Variants in IQCM observed in about 807,000 individuals in gnomAD.
IQCM encodes IQ motif containing M.
In IQCM, 45 loss-of-function variants were observed where a neutral mutation model predicts 57.6. That is an observed-to-expected ratio of 0.78 (90% CI 0.62 to 1.00). IQCM has a LOEUF of 1.00. Ranked by LOEUF, IQCM falls within the 50% of genes least tolerant of loss-of-function variation. IQCM has a pLI of 0.00. For missense variants in IQCM, 468 were observed against 511.6 expected, an observed-to-expected ratio of 0.91 and a Z score of 0.82; for synonymous variants, 148 against 158.9, an observed-to-expected ratio of 0.93 and a Z score of 0.51.
chr4:149,442,162 C>A (rs1736007440), intron 12 of IQCM, among the ~76,000 whole-genome samples: 2 of 152,116 alleles, frequency 1.3e-5, no homozygotes, highest in Non-Finnish European at 2.9e-5. Context: ...CACATTTATT[C>A]TTTTCAAAGA....
At chr4:149,623,410 A>G (rs1017828753) in intron 7 of IQCM, among the ~76,000 whole-genome samples, 1 of 152,200 alleles carries the variant, frequency 6.6e-6, no homozygotes, top group Non-Finnish European at 1.5e-5. Context: ...ATTTTCTCCC[A>G]GTATATAGGT....
At chr4:149,402,843 A>G (rs1732713878) in intron 13 of IQCM, among the ~76,000 whole-genome samples, 1 of 151,786 alleles carries the variant, frequency 6.6e-6, no homozygotes, top group South Asian at 2.1e-4. Context: ...TTTTATCTAA[A>G]CCTCACAACT....
intron 7 of IQCM, among the ~76,000 whole-genome samples, chr4:149,677,065 A>G (rs1174649813): frequency 1.3e-5 from 2 of 152,056 alleles, no homozygotes; most frequent in Non-Finnish European, 2.9e-5. Context: ...GGCACCAAGT[A>G]TGCAAAAAAT....
At chr4:149,716,582 A>G (rs1429691814) in intron 5 of IQCM, among the ~76,000 whole-genome samples, 2 of 152,144 alleles carry the variant, frequency 1.3e-5, no homozygotes, top group Non-Finnish European at 2.9e-5. Flanking sequence ...CTGCGGCTCC[A>G]TGGAGCACGT....
intron 12 of IQCM, among the ~76,000 whole-genome samples, chr4:149,441,409 A>G (rs1458095023): frequency 6.6e-6 from 1 of 152,140 alleles, no homozygotes; most frequent in East Asian, 1.9e-4. Context: ...ATAAAATAAA[A>G]AGAAAAAGGG....
chr4:149,772,940 G>C (rs2149991669), intron 2 of IQCM, among the ~76,000 whole-genome samples: 2 of 152,306 alleles, frequency 1.3e-5, no homozygotes, highest in South Asian at 4.1e-4. Flanking sequence ...TTGAAAGCCT[G>C]TTGTATAAAG....
At chr4:149,669,111 C>T (rs544289818) in intron 7 of IQCM, among the ~76,000 whole-genome samples, 1 of 152,258 alleles carries the variant, frequency 6.6e-6, no homozygotes, top group South Asian at 2.1e-4. Flanking sequence ...AAAAGTGTTC[C>T]TATTTCTCCA....
intron 7 of IQCM, among the ~76,000 whole-genome samples, chr4:149,673,476 G>C (rs1335833057): frequency 2.0e-5 from 3 of 152,092 alleles, no homozygotes; most frequent in South Asian, 4.1e-4. Context: ...TGCAATCCTA[G>C]TCTCTGATAA....
At chr4:149,514,004 T>C (rs1560936348) in intron 12 of IQCM, among the ~76,000 whole-genome samples, 2 of 152,196 alleles carry the variant, frequency 1.3e-5, no homozygotes, top group South Asian at 4.1e-4. Context: ...CATTTCATTT[T>C]CTATGTTATG....
At chr4:149,356,326 A>G (rs1728976970) in intron 13 of IQCM, among the ~76,000 whole-genome samples, 1 of 152,274 alleles carries the variant, frequency 6.6e-6, no homozygotes, top group African/African-American at 2.4e-5. Context: ...GCCCATGCCT[A>G]TGTCCTGAAT....
At chr4:149,599,986 A>G (rs960354460) in intron 8 of IQCM, among the ~76,000 whole-genome samples, 3 of 116,030 alleles carry the variant, frequency 2.6e-5, no homozygotes, top group Non-Finnish European at 5.7e-5. Flanking sequence ...AAACTATGCA[A>G]GTTATTTGCT....
intron 8 of IQCM, among the ~76,000 whole-genome samples, chr4:149,606,229 C>T (rs1265325494): frequency 6.6e-6 from 1 of 152,140 alleles, no homozygotes; most frequent in African/African-American, 2.4e-5. Flanking sequence ...CAGCTCCAGG[C>T]AGCCCAGTAC....
At chr4:149,626,373 G>A (rs757213064) in intron 7 of IQCM, among the ~76,000 whole-genome samples, 12 of 86,116 alleles carry the variant, frequency 1.4e-4, no homozygotes, top group Non-Finnish European at 2.8e-4. Flanking sequence ...TTGTGATTGT[G>A]TTAGTTATAC....
intron 12 of IQCM, among the ~76,000 whole-genome samples, chr4:149,444,681 A>G (rs1226305269): frequency 4.0e-5 from 6 of 149,540 alleles, no homozygotes. Flanking sequence ...ATGAAAACTG[A>G]AAAAAAAACA....
At chr4:149,541,285 T>A (rs937975400) in intron 12 of IQCM, among the ~76,000 whole-genome samples, 3 of 152,116 alleles carry the variant, frequency 2.0e-5, no homozygotes, top group Non-Finnish European at 4.4e-5. Flanking sequence ...TATCTCAGGT[T>A]ATAATTTGTT....
chr4:149,415,177 G>A (rs1733656894), intron 13 of IQCM, among the ~76,000 whole-genome samples: 1 of 152,112 alleles, frequency 6.6e-6, no homozygotes, highest in Non-Finnish European at 1.5e-5. Flanking sequence ...TGTAGAGAAG[G>A]ATAGCCTTGA....
intron 13 of IQCM, among the ~76,000 whole-genome samples, chr4:149,366,872 TACAGAA>T (rs1729880435): frequency 6.6e-6 from 1 of 151,920 alleles, no homozygotes; most frequent in African/African-American, 2.4e-5. Flanking sequence ...TGGGGAAAAA[TACAGAA>T]AGTTCAAAAA....
chr4:149,726,231 T>C (rs143798028), intron 5 of IQCM, among the ~76,000 whole-genome samples: 351 of 152,264 alleles, frequency 2.3e-3, no homozygotes, highest in Non-Finnish European at 4.1e-3. Context: ...CCCTTCTCCT[T>C]GCTCCTCAAA....
At chr4:149,481,701 G>GTTTTTTTTTTTTTTTTTTTTTTTGTTT (rs57465501) in intron 12 of IQCM, among the ~76,000 whole-genome samples, 1 of 51,550 alleles carries the variant, frequency 1.9e-5, no homozygotes, top group African/African-American at 7.6e-5. Context: ...TTCCAGTTTT[G>GTTTTTTTTTTTTTTTTTTTTTTTGTTT]TTTTTTTTTT....
Sources: gnomAD v4.1 joint callset for allele counts (sites outside exome capture counted in the v4.1 genomes callset) on GRCh38, gnomAD v4.1.1 for gene constraint, MANE v1.5 for transcripts, NCBI Gene and HGNC (gene_info 2026-07-23, HGNC 2026-07-21) for gene names.